KDM3B: variants seen among roughly 807,000 people sequenced by gnomAD.
The protein encoded by KDM3B is lysine demethylase 3B, also known as lysine-specific demethylase 3B.
In KDM3B, 10 loss-of-function variants were observed where a neutral mutation model predicts 170.0. The ratio of observed to expected loss-of-function variants is 0.06; its 90% CI spans 0.04 to 0.10. The LOEUF is 0.10. KDM3B is among the 10% of genes least tolerant of loss of function. The probability of loss-of-function intolerance (pLI) is 1.00; values close to 1 mark genes in which losing one functional copy is unlikely to be tolerated. For missense variants in KDM3B, 1,394 were observed against 2,195.2 expected (o/e 0.64, Z 7.29); for synonymous variants, 831 against 834.8 (o/e 1.00, Z 0.08).
Position 138,352,931 on chromosome 5 carries a change from G to T in KDM3B, c.136G>T (p.Ala46Ser), listed in dbSNP as rs1390295003. Reference sequence around the variant, plus strand: ...TCCGGGGCCTGCGCTGCGCACTCGAGCCTGGCGGGCCGGCACGGTGCGGGC... The same window carrying T: ...TCCGGGGCCTGCGCTGCGCACTCGATCCTGGCGGGCCGGCACGGTGCGGGC... Reference protein sequence around the residue: ...GDPGPALRTRAWRAGTVRAMS... With the variant: ...GDPGPALRTRSWRAGTVRAMS... Residue 46 changes from alanine (A) to serine (S), a missense_variant, in exon 1 of 24, where the codon GCC (alanine) becomes TCC (serine). Transcript: ENST00000314358. The T allele has an allele frequency of 7.6e-7, 1 of 1,315,934 alleles. No homozygotes were observed. Among genetic ancestry groups the T allele is most frequent in the Admixed American group, 3.7e-5 (1 of 26,874 alleles). The allele number at this position is 1,315,934 out of a possible 1,614,324, so 81.5% of individuals were successfully genotyped here.
chr5:138,363,450 C>CTT (rs1761665594), intron 1 of KDM3B, among the ~76,000 whole-genome samples: 1 of 152,124 alleles, frequency 6.6e-6, no homozygotes, highest in Admixed American at 6.6e-5. Flanking sequence ...TGATTTGCAT[C>CTT]TGGGTTGTTT....
intron 1 of KDM3B, among the ~76,000 whole-genome samples, chr5:138,361,232 T>G (rs779611782): frequency 1.3e-5 from 2 of 152,164 alleles, no homozygotes; most frequent in Non-Finnish European, 2.9e-5. Context: ...CTGCCCCTGG[T>G]GCGAAAGCAT....
intron 4 of KDM3B, 59 bp from the exon 5 acceptor site, chr5:138,379,525 A>G: frequency 6.6e-7 from 1 of 1,512,166 alleles, no homozygotes; most frequent in Admixed American, 2.1e-5. Context: ...GGCTTTTAGG[A>G]ACAATTATGA....
chr5:138,415,710 A>G (rs1763085578), intron 12 of KDM3B, among the ~76,000 whole-genome samples: 1 of 151,428 alleles, frequency 6.6e-6, no homozygotes, highest in African/African-American at 2.4e-5. Flanking sequence ...TCGGCCTCCC[A>G]AAGTACTGGG....
In KDM3B at chr5:138,430,246, C is replaced by T; in HGVS notation, c.4894-3C>T. ...CCATCTTTGGATTTGATTATGGCTTCAGGTTGGAGAAGAACAAGGCCAAGA... is the reference window on the plus strand; with the variant it reads ...CCATCTTTGGATTTGATTATGGCTTTAGGTTGGAGAAGAACAAGGCCAAGA... On this transcript the variant is annotated splice_polypyrimidine_tract_variant and splice_region_variant and intron_variant, in intron 21 of 23. Transcript: ENST00000314358. The T allele has an allele frequency of 6.2e-7, 1 of 1,611,482 alleles. No individual in the cohort carries two copies. The highest frequency in any genetic ancestry group is 8.5e-7 in the Non-Finnish European group (1 of 1,178,306).
At chr5:138,395,316 T>C (rs1297086773) in intron 9 of KDM3B, among the ~76,000 whole-genome samples, 1 of 152,136 alleles carries the variant, frequency 6.6e-6, no homozygotes, top group Non-Finnish European at 1.5e-5. Flanking sequence ...ACTCTGGTAC[T>C]CTCCAATGTT....
chr5:138,419,728 TACACACACACACACACACAC>T (rs144047213), intron 14 of KDM3B, among the ~76,000 whole-genome samples: 13 of 122,186 alleles, frequency 1.1e-4, no homozygotes, highest in Admixed American at 1.8e-4. Context: ...TACACACACA[TACACACACACACACACACAC>T]ACACACACAC....
At chr5:138,426,574 CAAAAAAAAA>C (rs566978034) in intron 17 of KDM3B, among the ~76,000 whole-genome samples, 2 of 69,194 alleles carry the variant, frequency 2.9e-5, no homozygotes, top group African/African-American at 1.1e-4. Flanking sequence ...GACTCCATCT[CAAAAAAAAA>C]AAAAAAAAAA....
At position 138,372,356 on chromosome 5, in the gene KDM3B, G is replaced by A. The variant is rs575379636; in HGVS notation, c.193-318G>A. ...AACCTAGTATAGTACCTTATATATG[G>A]TAAGCCCTCAGCTAGTATGTGTAGA... On this transcript the variant is annotated intron_variant, in intron 1 of 23. Transcript: ENST00000314358. 7.1e-4 allele frequency among the ~76,000 whole-genome samples: 108 copies of A among 152,226 alleles called. 2 individuals are homozygous for A. Among genetic ancestry groups the A allele is most frequent in the South Asian group, 6.0e-3 (29 of 4,828 alleles).
intron 1 of KDM3B, among the ~76,000 whole-genome samples, chr5:138,358,509 T>A (rs974450240): frequency 1.3e-5 from 2 of 151,722 alleles, no homozygotes; most frequent in Non-Finnish European, 2.9e-5. Context: ...TTTCGCCATG[T>A]TGGCCAGGCT....
chr5:138,392,154 T>C lies in KDM3B; in HGVS notation c.2522T>C (p.Leu841Pro). ...KTGLKGIPEHLMGKLGPNGER... is the reference protein window; with the variant it reads ...KTGLKGIPEHPMGKLGPNGER... ...GGCCTGAAGGGAATTCCAGAGCACC[T>C]GATGGGGAAGCTGGGCCCCAATGGG... The change falls in exon 8 of 24, where the codon CTG becomes CCG. Residue 841 changes from leucine (L) to proline (P), a missense_variant. This residue lies in a region of KDM3B where 84 missense variants were observed against 135.8 expected (regional missense o/e 0.62). Transcript: ENST00000314358. 1 of 1,581,248 alleles carries C rather than the reference T, an allele frequency of 6.3e-7. No individual in the cohort carries two copies.
At chr5:138,373,772 A>G (rs1761931506) in intron 2 of KDM3B, among the ~76,000 whole-genome samples, 1 of 152,148 alleles carries the variant, frequency 6.6e-6, no homozygotes, top group Non-Finnish European at 1.5e-5. Context: ...GGCATGAGCC[A>G]CTGTGCCTGG....
intron 1 of KDM3B, among the ~76,000 whole-genome samples, chr5:138,365,132 T>C (rs991044514): frequency 1.2e-4 from 19 of 152,202 alleles, no homozygotes; most frequent in African/African-American, 4.6e-4. Context: ...GGTAGGAAAA[T>C]TGGAAAATTT....
chr5:138,420,225 G>C (rs1233908569), intron 14 of KDM3B, among the ~76,000 whole-genome samples: 1 of 152,186 alleles, frequency 6.6e-6, no homozygotes, highest in Non-Finnish European at 1.5e-5. Flanking sequence ...AGATGGTTCT[G>C]TTATGCAGCC....
Position 138,391,988 on chromosome 5 carries a change from G to A in KDM3B, c.2356G>A (p.Glu786Lys), listed in dbSNP as rs1311731640. 1.2e-6 allele frequency: 2 copies of A among 1,613,636 alleles called. No homozygotes were observed. The highest frequency in any genetic ancestry group is 1.3e-5 in the African/African-American group (1 of 74,942). The change falls in exon 8 of 24, where the codon GAG becomes AAG. Residue 786 changes from glutamate to lysine, a missense_variant. Glu to Lys is a moderately conservative substitution (Grantham distance 56). Coordinates refer to ENST00000314358, the MANE Select transcript of KDM3B (RefSeq NM_016604.4). This position sits in a 1 kb window ranked among gnomAD's most constrained non-coding sequence, Gnocchi z 5.0. ...GTCCTCCCCGGCAGATTTTTCACAG[G>A]AGAACAAAGCTCCTTTTGAAGCTGT... The part of the protein sequence containing the change: ...FLSSPADFSQ[E>K]NKAPFEAVKR...
intron 7 of KDM3B, among the ~76,000 whole-genome samples, chr5:138,389,163 A>G (rs984884284): frequency 1.3e-5 from 2 of 152,156 alleles, no homozygotes; most frequent in African/African-American, 4.8e-5. Flanking sequence ...CTTTTTCTCT[A>G]TTGTAGGGAG....
chr5:138,419,255 C>T, intron 14 of KDM3B, 23 bp downstream of exon 14: 1 of 1,605,786 alleles, frequency 6.2e-7, no homozygotes, highest in Non-Finnish European at 8.5e-7. Flanking sequence ...CAAACCTCTG[C>T]TCTGCCTATG....
At chr5:138,419,567 A>G (rs1339575588) in intron 14 of KDM3B, among the ~76,000 whole-genome samples, 2 of 149,120 alleles carry the variant, frequency 1.3e-5, no homozygotes, top group Non-Finnish European at 3.0e-5. Context: ...AGGCAGGAGA[A>G]TGGCATGAAC....
At position 138,424,055 on chromosome 5, in the gene KDM3B, G is replaced by T; in HGVS notation, c.3973-20G>T. ...CATGGTGCCTCAGTCAAGCTTACCT[G>T]GTGGATTTGTGTCTGGCAGGGAGTG... On this transcript the variant is annotated intron_variant, in intron 15 of 23. Coordinates refer to ENST00000314358, the MANE Select transcript of KDM3B (RefSeq NM_016604.4). 1 of 1,522,492 alleles carries T rather than the reference G, an allele frequency of 6.6e-7. No individual in the cohort carries two copies. The highest frequency in any genetic ancestry group is 8.8e-7 in the Non-Finnish European group (1 of 1,133,824). The allele number at this position is 1,522,492 out of a possible 1,614,324, so 94.3% of individuals were successfully genotyped here. A position where few individuals can be genotyped will look rare whatever the true frequency, so the allele number is the denominator to read the frequency against.
Sources: gnomAD v4.1 joint callset for allele counts (sites outside exome capture counted in the v4.1 genomes callset) on GRCh38, gnomAD v4.1.1 for gene constraint, gnomAD v4.1.1 regional missense constraint, Gnocchi (gnomAD v3.1) non-coding constraint, MANE v1.5 for transcripts, NCBI Gene and HGNC (gene_info 2026-07-23, HGNC 2026-07-21) for gene names.